The following CCDC150 variants were observed in gnomAD, a reference collection of about 807,000 sequenced individuals.
The protein encoded by CCDC150 is coiled-coil domain containing 150.
CCDC150 carries 151 observed loss-of-function variants against 156.5 expected under a neutral mutation model. That is an observed-to-expected ratio of 0.97 (90% confidence interval 0.85 to 1.10). The LOEUF is 1.10. CCDC150 is among the 50% of genes least tolerant of loss of function. The pLI is 0.00. For missense variants in CCDC150, 1,312 were observed against 1,268.1 expected (o/e 1.03, Z -0.53); for synonymous variants, 452 against 429.4 (o/e 1.05, Z -0.65).
chr2:196,719,577 T>G lies in CCDC150; in HGVS notation c.2076T>G (p.Ala692=), dbSNP rs368168235. The G allele has an allele frequency of 1.9e-6, 3 of 1,613,450 alleles. No homozygotes were observed. In the African/African-American group the frequency reaches 4.0e-5, roughly 22 times the overall value. ...CAATCATGTTGGAGAATGTGCTGGC[T>G]TCTCACAGTAAGATGCAAGGTGCTC... is the stretch of plus-strand genomic sequence containing the variant. ...KVTIMLENVL[A]SHSKMQGALE... is the part of the protein sequence containing the mutation. Residue 692 remains alanine, a synonymous_variant, in exon 19 of 28, where the codon GCT becomes GCG. Transcript: ENST00000389175.
At position 196,666,797 on chromosome 2, in the gene CCDC150, A is replaced by C. The variant is rs745935158; in HGVS notation, c.841A>C (p.Lys281Gln). 7 of 1,610,070 alleles carry C rather than the reference A, an allele frequency of 4.3e-6. No individual in the cohort carries two copies. The Admixed American group carries it at 5.0e-5, about 12-fold the overall frequency. Residue 281 changes from lysine to glutamine, a missense_variant, in exon 7 of 28, where the codon AAA (lysine) becomes CAA (glutamine). Physicochemically the swap from Lys to Gln is moderately conservative, Grantham distance 53. Transcript: ENST00000389175. ...TCAAGAACTACTGGCCCAGGAACAA[A>C]AAAAAAAAGAAGAGTTGGAGATTGC... ...SAQELLAQEQKKKEELEIATS... is the reference protein window; with the variant it reads ...SAQELLAQEQQKKEELEIATS...
chr2:196,731,945 T>A, intron 26 of CCDC150, 88 bp from the exon 27 acceptor site: 1 of 1,333,796 alleles, frequency 7.5e-7, no homozygotes, highest in East Asian at 2.5e-5. Context: ...GTCTTTTAAT[T>A]TCTAAGTAAA....
At chr2:196,665,364 G>A (rs754721321) in intron 5 of CCDC150, among the ~76,000 whole-genome samples, 5 of 152,120 alleles carry the variant, frequency 3.3e-5, no homozygotes, top group Non-Finnish European at 7.4e-5. Context: ...AGGAGGATGG[G>A]TGCAATAAGT....
intron 15 of CCDC150, 50 bp downstream of exon 15, chr2:196,701,230 A>G (rs763331836): frequency 2.5e-6 from 3 of 1,203,758 alleles, no homozygotes; most frequent in Admixed American, 4.2e-5. Context: ...AAAAATACCA[A>G]TTATCAAATT....
intron 15 of CCDC150, 74 bp from the exon 16 acceptor site, chr2:196,712,071 T>C (rs1697162095): frequency 1.5e-5 from 8 of 523,094 alleles, no homozygotes; most frequent in Non-Finnish European, 2.6e-5. Context: ...CTGGAGTATA[T>C]AAATATGTGT....
chr2:196,657,914 G>A (rs893825723), intron 4 of CCDC150, among the ~76,000 whole-genome samples: 2 of 152,020 alleles, frequency 1.3e-5, no homozygotes, highest in African/African-American at 4.8e-5. Context: ...CTTTCTACTC[G>A]GTACAGCTAG....
intron 17 of CCDC150, chr2:196,713,705 A>G (rs751785984): frequency 4.3e-6 from 6 of 1,386,588 alleles, no homozygotes; most frequent in Non-Finnish European, 5.6e-6. Flanking sequence ...CCACAAATTA[A>G]ATCTTAAGGA....
chr2:196,693,463 A>G (rs1238654172), intron 13 of CCDC150, among the ~76,000 whole-genome samples: 2 of 152,224 alleles, frequency 1.3e-5, no homozygotes, highest in East Asian at 3.8e-4. Context: ...CCAATTGTAC[A>G]TTGTTAATAT....
chr2:196,669,739 A>G, intron 7 of CCDC150, 94 bp from the exon 8 acceptor site: 3 of 876,326 alleles, frequency 3.4e-6, no homozygotes, highest in Non-Finnish European at 5.5e-6. Flanking sequence ...TTATCTCTAC[A>G]AAAAATAGAC....
intron 15 of CCDC150, among the ~76,000 whole-genome samples, chr2:196,707,708 T>C (rs898777090): frequency 2.0e-5 from 3 of 152,246 alleles, no homozygotes; most frequent in Admixed American, 1.3e-4. Flanking sequence ...TGGTACATTG[T>C]GTCTTTGCTC....
chr2:196,657,016 G>A lies in CCDC150; in HGVS notation c.456G>A (p.Leu152=), dbSNP rs781731493. 23 of 1,613,636 alleles carry A rather than the reference G, an allele frequency of 1.4e-5. No individual in the cohort carries two copies. Among genetic ancestry groups the A allele is most frequent in the Non-Finnish European group, 1.8e-5 (21 of 1,179,792 alleles). The change falls in exon 4 of 28, where the codon CTG becomes CTA. Residue 152 remains leucine (L), a synonymous_variant. Transcript: ENST00000389175. ...AAGAGCATTCTAAGGACCTGAAGCT[G>A]TTGCATCTCGAAGTTATGAATTTGC... The part of the protein sequence containing the change: ...IQEEHSKDLK[L]LHLEVMNLRQ...
At chr2:196,697,501 C>A (rs1433732011) in intron 14 of CCDC150, among the ~76,000 whole-genome samples, 1 of 152,070 alleles carries the variant, frequency 6.6e-6, no homozygotes, top group African/African-American at 2.4e-5. Context: ...AATTGTAGCA[C>A]CAGACAGGAA....
intron 15 of CCDC150, among the ~76,000 whole-genome samples, chr2:196,707,365 A>G (rs1241202901): frequency 6.6e-6 from 1 of 151,360 alleles, no homozygotes; most frequent in Non-Finnish European, 1.5e-5. Context: ...CCCCTTTATC[A>G]TTTTTTTATT....
At chr2:196,696,530 C>A (rs1029013999) in intron 14 of CCDC150, among the ~76,000 whole-genome samples, 1 of 152,202 alleles carries the variant, frequency 6.6e-6, no homozygotes, top group African/African-American at 2.4e-5. Context: ...ATGACTTTGA[C>A]AGATCTTGCC....
intron 5 of CCDC150, among the ~76,000 whole-genome samples, chr2:196,661,227 T>G (rs948703614): frequency 3.9e-5 from 6 of 152,156 alleles, no homozygotes; most frequent in Non-Finnish European, 8.8e-5. Context: ...ATAGAAAGGG[T>G]GTATTAGTTT....
At chr2:196,670,817 T>C (rs1177945646) in intron 8 of CCDC150, among the ~76,000 whole-genome samples, 1 of 152,198 alleles carries the variant, frequency 6.6e-6, no homozygotes, top group Non-Finnish European at 1.5e-5. Context: ...GGAATCTCAA[T>C]ATAAGAATGG....
chr2:196,675,922 C>T (rs778711394), intron 10 of CCDC150, among the ~76,000 whole-genome samples: 8 of 152,094 alleles, frequency 5.3e-5, no homozygotes, highest in Non-Finnish European at 4.4e-5. Flanking sequence ...TGCATCTTGA[C>T]TATTGGCTAG....
intron 2 of CCDC150, 68 bp from the exon 3 acceptor site, chr2:196,656,565 T>A: frequency 1.9e-6 from 2 of 1,056,076 alleles, no homozygotes; most frequent in East Asian, 5.2e-5. Context: ...TTACATTGAC[T>A]CAGTTTTTGG....
rs901591552 is a variant in CCDC150 at position 196,660,280 on chromosome 2, A to G, written c.645+1420A>G. 7.2e-5 allele frequency among the ~76,000 whole-genome samples: 11 copies of G among 152,216 alleles called. No homozygotes were observed. In the South Asian group the frequency reaches 8.3e-4, roughly 11 times the overall value. ...TAAAGCTGCTATAAACATTGTGTGC[A>G]GGTTCTTACATAGACATACGTTTCC... On this transcript the variant is annotated intron_variant, in intron 5 of 27. Coordinates refer to ENST00000389175, the MANE Select transcript of CCDC150 (RefSeq NM_001080539.2).
Sources: allele counts gnomAD v4.1 joint callset (sites outside exome capture counted in the v4.1 genomes callset), GRCh38; gene constraint gnomAD v4.1.1; transcripts MANE v1.5; gene names NCBI Gene and HGNC (gene_info 2026-07-23, HGNC 2026-07-21).